The following LRIT3 variants were observed in gnomAD, a reference collection of about 807,000 sequenced individuals.
LRIT3 encodes the protein leucine rich repeat, Ig-like and transmembrane domains 3, also known as leucine-rich repeat, immunoglobulin-like domain and transmembrane domain-containing protein 3.
Under a neutral mutation model 22.6 loss-of-function variants are expected in LRIT3, and 14 were observed. That is an observed-to-expected ratio of 0.62 (90% confidence interval 0.41 to 0.97). LRIT3 has a LOEUF of 0.97. LRIT3 is among the 50% of genes least tolerant of loss of function. The probability of loss-of-function intolerance (pLI) is 0.00; values close to 1 mark genes in which losing one functional copy is unlikely to be tolerated. For synonymous variants in LRIT3, 306 were observed against 304.5 expected (o/e 1.01, Z -0.05); for missense variants, 783 against 803.0 (o/e 0.98, Z 0.30).
At chr4:109,860,833 T>C (rs1218099048) in intron 2 of LRIT3, among the ~76,000 whole-genome samples, 1 of 152,254 alleles carries the variant, frequency 6.6e-6, no homozygotes, top group Admixed American at 6.5e-5. Context: ...CTCAGCATCA[T>C]GTTTTTGAAA....
rs774537043 is a variant in LRIT3, at chr4:109,869,895, A to G, written c.1146A>G (p.Ala382=). The G allele has an allele frequency of 8.7e-6, 14 of 1,614,166 alleles. No homozygotes were observed. The highest frequency in any genetic ancestry group is 1.7e-5 in the Admixed American group (1 of 60,018). ...GAAGATCTACATCTGTATCTAGCGC[A>G]TCATCATATCTTTGGTCCTCTTCCT... ...GSGRSTSVSS[A]SSYLWSSSFS... The change falls in exon 4 of 4, where the codon GCA becomes GCG. Residue 382 remains alanine, a synonymous_variant. Transcript: ENST00000594814.
At position 109,851,707 on chromosome 4, in the gene LRIT3, T is replaced by C; in HGVS notation, c.320T>C (p.Leu107Pro). The C allele has an allele frequency of 3.9e-6, 6 of 1,551,730 alleles. No homozygotes were observed. The highest frequency in any genetic ancestry group is 5.2e-6 in the Non-Finnish European group (6 of 1,146,990). ...DPSSFYNLKQLHELRLDGNSL... is the reference protein window; with the variant it reads ...DPSSFYNLKQPHELRLDGNSL... ...AGCAGCTTTTACAACCTGAAGCAACTGCATGAGTTGCGCTTGGATGGGAAT... is the reference window on the plus strand; with the variant it reads ...AGCAGCTTTTACAACCTGAAGCAACCGCATGAGTTGCGCTTGGATGGGAAT... Residue 107 changes from leucine to proline, a missense_variant, in exon 2 of 4, where the codon CTG (leucine) becomes CCG (proline). Coordinates refer to ENST00000594814, the MANE Select transcript of LRIT3 (RefSeq NM_198506.5).
intron 1 of LRIT3, among the ~76,000 whole-genome samples, chr4:109,850,401 TCCTTCCTTCCTTCCTTC>T (rs1734191861): frequency 3.2e-3 from 7 of 2,182 alleles, no homozygotes; most frequent in East Asian, 0.062. Context: ...CTTCCTTCCT[TCCTTCCTTCCTTCCTTC>T]CTTCCTTTCT....
rs1734725871 is a variant in LRIT3 at position 109,867,909 on chromosome 4, A to C, written c.858A>C (p.Thr286=). ...DATGFPTPQI[T]WTRSDSSPVN... is the part of the protein sequence containing the mutation. ...CTGGCTTCCCCACCCCACAGATCAC[A>C]TGGACCAGATCTGACAGCTCGCCAG... Residue 286 remains threonine, a synonymous_variant, in exon 3 of 4, where the codon ACA becomes ACC. Coordinates refer to ENST00000594814, the MANE Select transcript of LRIT3 (RefSeq NM_198506.5). The C allele has an allele frequency of 6.2e-7, 1 of 1,613,544 alleles. No individual in the cohort carries two copies.
chr4:109,850,143 T>C (rs913784545), intron 1 of LRIT3, among the ~76,000 whole-genome samples: 18 of 152,222 alleles, frequency 1.2e-4, no homozygotes, highest in African/African-American at 4.1e-4. Flanking sequence ...ACTGATTTAA[T>C]GTCATATGTT....
chr4:109,848,968 T>A (rs1990250), intron 1 of LRIT3, among the ~76,000 whole-genome samples: 4 of 152,026 alleles, frequency 2.6e-5, no homozygotes, highest in Admixed American at 6.6e-5. Context: ...GCATGAGGCC[T>A]TTTAGATATG....
intron 2 of LRIT3, among the ~76,000 whole-genome samples, chr4:109,854,549 A>G (rs11940274): frequency 0.03 from 4,603 of 152,200 alleles, 222 homozygotes; most frequent in African/African-American, 0.1. Flanking sequence ...CTCTCTTCCT[A>G]TTTGAATACC....
At position 109,870,371 on chromosome 4, in the gene LRIT3, T is replaced by C. The variant is rs756573514; in HGVS notation, c.1622T>C (p.Ile541Thr). 1.3e-5 allele frequency: 21 copies of C among 1,614,018 alleles called. No individual in the cohort carries two copies. The highest frequency in any genetic ancestry group is 1.8e-5 in the Non-Finnish European group (21 of 1,180,030). ...NADSSKNQVT[I>T]DGLEPGGQYM... is the part of the protein sequence containing the mutation. ...GACTCCAGCAAGAACCAAGTAACCA[T>C]AGATGGCTTGGAACCCGGTGGGCAA... The change falls in exon 4 of 4, where the codon ATA becomes ACA. Residue 541 changes from isoleucine to threonine, a missense_variant. By Grantham distance (89) the Ile-to-Thr change is moderately conservative. Coordinates refer to ENST00000594814, the MANE Select transcript of LRIT3 (RefSeq NM_198506.5).
intron 2 of LRIT3, chr4:109,865,227 A>G (rs1734647321): frequency 1.3e-6 from 2 of 1,534,152 alleles, no homozygotes; most frequent in African/African-American, 2.8e-5. Context: ...CAGGTCACAG[A>G]ATTAACTAAT....
intron 3 of LRIT3, among the ~76,000 whole-genome samples, chr4:109,869,192 TATAATA>T (rs374556829): frequency 3.5e-4 from 54 of 152,292 alleles, no homozygotes; most frequent in African/African-American, 1.3e-3. Context: ...CATGAAAACA[TATAATA>T]AGAAATACTT....
chr4:109,870,857 G>A lies in LRIT3; in HGVS notation c.*68G>A. 1 of 1,477,852 alleles carries A rather than the reference G, an allele frequency of 6.8e-7. No individual in the cohort carries two copies. The highest frequency in any genetic ancestry group is 2.3e-5 in the Admixed American group (1 of 43,296). 91.5% of individuals were successfully genotyped at this position (1,477,852 alleles called of 1,614,324 possible). On this transcript the variant is annotated 3_prime_UTR_variant, in exon 4 of 4. Transcript: ENST00000594814. ...TAAGGGTATAATTGACCCTAGGTTT[G>A]GATGACTTTTGGACAGACTTTCACA...
At chr4:109,865,138 T>TG in intron 2 of LRIT3, 1 of 1,450,730 alleles carries the variant, frequency 6.9e-7, no homozygotes, top group South Asian at 1.3e-5. Context: ...ACGTTACGGC[T>TG]GTAAAAAGCT....
At position 109,851,948 on chromosome 4, in the gene LRIT3, G is replaced by C; in HGVS notation, c.561G>C (p.Leu187=). The C allele has an allele frequency of 6.5e-7, 1 of 1,549,498 alleles. No individual in the cohort carries two copies. The highest frequency in any genetic ancestry group is 1.2e-5 in the South Asian group (1 of 83,654). Residue 187 remains leucine, a synonymous_variant, in exon 2 of 4, where the codon CTG becomes CTC. Coordinates refer to ENST00000594814, the MANE Select transcript of LRIT3 (RefSeq NM_198506.5). Reference sequence around the variant, plus strand: ...TAGTTTCAACACCTTCTGGAGTCCTGGACCTTTCCCCAAGCAGGATTATTC... The same window carrying C: ...TAGTTTCAACACCTTCTGGAGTCCTCGACCTTTCCCCAAGCAGGATTATTC... ...THLVSTPSGV[L]DLSPSRIILG...
At chr4:109,863,396 G>A (rs1734596903) in intron 2 of LRIT3, among the ~76,000 whole-genome samples, 1 of 152,080 alleles carries the variant, frequency 6.6e-6, no homozygotes, top group South Asian at 2.1e-4. Flanking sequence ...TTTAAAATGG[G>A]GATGATAATA....
intron 2 of LRIT3, among the ~76,000 whole-genome samples, chr4:109,852,238 C>A (rs1734291660): frequency 6.6e-6 from 1 of 152,102 alleles, no homozygotes; most frequent in African/African-American, 2.4e-5. Context: ...GGAGAGAGGA[C>A]CATTTCTCTT....
chr4:109,856,991 T>A (rs1210336094), intron 2 of LRIT3, among the ~76,000 whole-genome samples: 2 of 152,088 alleles, frequency 1.3e-5, no homozygotes, highest in Non-Finnish European at 2.9e-5. Context: ...ATAACATCGA[T>A]AGAAGAGGAA....
chr4:109,853,612 C>T (rs1734324755), intron 2 of LRIT3, among the ~76,000 whole-genome samples: 1 of 152,128 alleles, frequency 6.6e-6, no homozygotes, highest in Admixed American at 6.5e-5. Flanking sequence ...TCCCATTTGT[C>T]AATTTTGGCT....
chr4:109,854,412 TTG>T lies in LRIT3; in HGVS notation c.589+2439_589+2440del, dbSNP rs1200112124. ...GTCTATTATTGGTGTATAGAAATGCTTGTGATTTTAGCACATTGATTTTGTAT... is the reference window on the plus strand; with the variant it reads ...GTCTATTATTGGTGTATAGAAATGCTTGATTTTAGCACATTGATTTTGTAT... On this transcript the variant is annotated intron_variant, in intron 2 of 3. Transcript: ENST00000594814. 2.6e-5 allele frequency among the ~76,000 whole-genome samples: 4 copies of T among 152,248 alleles called. No individual in the cohort carries two copies. In the East Asian group the frequency reaches 7.7e-4, roughly 29 times the overall value.
At chr4:109,863,782 C>T (rs551815530) in intron 2 of LRIT3, among the ~76,000 whole-genome samples, 2 of 152,228 alleles carry the variant, frequency 1.3e-5, no homozygotes, top group South Asian at 2.1e-4. Context: ...AGAAGTTTCC[C>T]AGAATGTGGA....
Sources: allele counts gnomAD v4.1 joint callset (sites outside exome capture counted in the v4.1 genomes callset), GRCh38; gene constraint gnomAD v4.1.1; transcripts MANE v1.5; gene names NCBI Gene and HGNC (gene_info 2026-07-23, HGNC 2026-07-21).